Variants in CLYBL observed in about 807,000 individuals in gnomAD.
CLYBL encodes citramalyl-CoA lyase.
A neutral mutation model predicts 38.9 loss-of-function variants in CLYBL; 31 were observed. The observed-to-expected ratio is 0.80, with a 90% CI of 0.60 to 1.08. The LOEUF is 1.08. Ranked by LOEUF, CLYBL falls within the 50% of genes least tolerant of loss-of-function variation. CLYBL has a pLI of 0.00. For synonymous variants in CLYBL, 171 were observed against 158.6 expected, an observed-to-expected ratio of 1.08 and a Z score of -0.59; for missense variants, 434 against 411.6, an observed-to-expected ratio of 1.05 and a Z score of -0.47.
chr13:99,788,551 C>A (rs915119764), intron 2 of CLYBL, among the ~76,000 whole-genome samples: 2 of 152,158 alleles, frequency 1.3e-5, no homozygotes, highest in Admixed American at 6.5e-5. Flanking sequence ...GGATGAAGCC[C>A]ACTTGATCAT....
chr13:99,629,735 G>A (rs1279258491), intron 1 of CLYBL, among the ~76,000 whole-genome samples: 1 of 152,142 alleles, frequency 6.6e-6, no homozygotes, highest in Non-Finnish European at 1.5e-5. Context: ...GAGAGAGGTG[G>A]CCCCAGCCCA....
chr13:99,835,166 C>T (rs144886929), intron 2 of CLYBL, among the ~76,000 whole-genome samples: 3 of 152,356 alleles, frequency 2.0e-5, no homozygotes, highest in East Asian at 3.9e-4. Flanking sequence ...CCTCTATGAG[C>T]GGCTGATTCA....
intron 1 of CLYBL, among the ~76,000 whole-genome samples, chr13:99,725,739 C>A (rs147958506): frequency 6.6e-6 from 1 of 152,142 alleles, no homozygotes; most frequent in African/African-American, 2.4e-5. Context: ...ATTTCCACGC[C>A]GCTGAAAGGG....
intron 2 of CLYBL, among the ~76,000 whole-genome samples, chr13:99,807,998 A>C (rs1166331255): frequency 6.6e-6 from 1 of 152,228 alleles, no homozygotes; most frequent in Non-Finnish European, 1.5e-5. Flanking sequence ...AACTCTGTTC[A>C]AAGCATATGA....
chr13:99,679,787 C>G (rs565891551), intron 1 of CLYBL, among the ~76,000 whole-genome samples: 36 of 151,986 alleles, frequency 2.4e-4, no homozygotes, highest in Non-Finnish European at 4.3e-4. Context: ...CTATGGATTC[C>G]TCTAGCCATT....
chr13:99,821,109 T>C (rs1369743551), intron 2 of CLYBL, among the ~76,000 whole-genome samples: 2 of 152,230 alleles, frequency 1.3e-5, no homozygotes, highest in Non-Finnish European at 2.9e-5. Context: ...GCAATTAAGC[T>C]TTCTAATATT....
At chr13:99,690,294 C>T (rs558521689) in intron 1 of CLYBL, 2 of 152,310 alleles carry the variant, frequency 1.3e-5, no homozygotes, top group South Asian at 4.1e-4. Flanking sequence ...GAGTTCTTTG[C>T]TTTTTATTTA....
At chr13:99,765,199 T>G (rs145253072) in intron 1 of CLYBL, among the ~76,000 whole-genome samples, 4 of 152,302 alleles carry the variant, frequency 2.6e-5, no homozygotes, top group Non-Finnish European at 5.9e-5. Flanking sequence ...TACAATATTT[T>G]TGGATGGCAG....
chr13:99,864,795 A>G, intron 4 of CLYBL, 23 bp from the exon 5 acceptor site: 1 of 1,553,730 alleles, frequency 6.4e-7, no homozygotes. Flanking sequence ...CGTGAGACTT[A>G]GTTCTGTTCT....
Position 99,869,566 on chromosome 13 carries a change from GAA to G in CLYBL, c.803-1369_803-1368del, listed in dbSNP as rs1157419818. Among the ~76,000 whole-genome samples the G allele has an allele frequency of 2.0e-5, 3 of 152,058 alleles. No individual in the cohort carries two copies. Among genetic ancestry groups the G allele is most frequent in the Non-Finnish European group, 4.4e-5 (3 of 67,974 alleles). On this transcript the variant is annotated intron_variant, in intron 6 of 8. Coordinates refer to ENST00000339105, the MANE Select transcript of CLYBL (RefSeq NM_206808.5). This position sits in a 1 kb window ranked among gnomAD's most constrained non-coding sequence, Gnocchi z 4.3. ...TTAACATTTTATTAGTATGCTGACA[GAA>G]AAGAATGAAATAGCAATGTGAGGAT...
At chr13:99,630,340 A>G (rs1848465521) in intron 1 of CLYBL, among the ~76,000 whole-genome samples, 1 of 152,162 alleles carries the variant, frequency 6.6e-6, no homozygotes, top group Non-Finnish European at 1.5e-5. Context: ...TCATCATGCA[A>G]ATAATATCTT....
intron 1 of CLYBL, among the ~76,000 whole-genome samples, chr13:99,723,281 A>G (rs2048420979): frequency 6.6e-6 from 1 of 152,212 alleles, no homozygotes; most frequent in East Asian, 1.9e-4. Context: ...TGAACACTTC[A>G]TTAACAGGGC....
chr13:99,870,849 A>G (rs1044651521), intron 6 of CLYBL, 89 bp from the exon 7 acceptor site: 9 of 1,337,950 alleles, frequency 6.7e-6, no homozygotes, highest in Non-Finnish European at 9.3e-6. Context: ...ACAGTCTATG[A>G]GGCCTTCAGG....
chr13:99,834,308 G>A (rs2050886064), intron 2 of CLYBL, among the ~76,000 whole-genome samples: 1 of 152,174 alleles, frequency 6.6e-6, no homozygotes, highest in South Asian at 2.1e-4. Context: ...CTTATGCCAG[G>A]ACTCCTGGTG....
At chr13:99,707,605 A>G (rs914061916) in intron 1 of CLYBL, among the ~76,000 whole-genome samples, 1 of 152,114 alleles carries the variant, frequency 6.6e-6, no homozygotes, top group Non-Finnish European at 1.5e-5. Context: ...ATTTACAATG[A>G]TATGTTTTAT....
chr13:99,801,439 AT>A (rs35178164), intron 2 of CLYBL, among the ~76,000 whole-genome samples: 140 of 150,458 alleles, frequency 9.3e-4, no homozygotes, highest in African/African-American at 3.3e-3. Context: ...AGACAGTTGG[AT>A]TTTTTTTTTA....
chr13:99,658,595 G>A (rs1358438852), intron 1 of CLYBL, among the ~76,000 whole-genome samples: 3 of 152,196 alleles, frequency 2.0e-5, no homozygotes, highest in Non-Finnish European at 4.4e-5. Context: ...CCCGGCGACA[G>A]GCCTCGGCCA....
chr13:99,753,713 A>G (rs1384436043), intron 1 of CLYBL, among the ~76,000 whole-genome samples: 1 of 152,218 alleles, frequency 6.6e-6, no homozygotes, highest in African/African-American at 2.4e-5. Context: ...TTAAAGAGTG[A>G]TGTTATGACT....
intron 1 of CLYBL, among the ~76,000 whole-genome samples, chr13:99,683,063 A>G (rs1187643580): frequency 6.8e-6 from 1 of 148,074 alleles, no homozygotes; most frequent in Non-Finnish European, 1.5e-5. Context: ...TAAACTTTAT[A>G]TATATATATA....
Sources: allele counts gnomAD v4.1 joint callset (sites outside exome capture counted in the v4.1 genomes callset), GRCh38; gene constraint gnomAD v4.1.1; non-coding constraint Gnocchi (gnomAD v3.1); transcripts MANE v1.5; gene names NCBI Gene and HGNC (gene_info 2026-07-23, HGNC 2026-07-21).